MAS1: variants seen among roughly 807,000 people sequenced by gnomAD.
MAS1 encodes proto-oncogene Mas.
For synonymous variants in MAS1, 163 were observed against 164.2 expected (o/e 0.99, Z 0.05); for missense variants, 387 against 409.7 (o/e 0.94, Z 0.48).
chr6:159,900,101 C>G (rs549772490), intron 2 of MAS1, among the ~76,000 whole-genome samples: 2 of 152,102 alleles, frequency 1.3e-5, no homozygotes, highest in African/African-American at 4.8e-5. Flanking sequence ...CAGAGAGCCT[C>G]TGGTCCTAGA....
chr6:159,898,810 CCTT>C (rs1015644372), intron 1 of MAS1, among the ~76,000 whole-genome samples: 4 of 151,192 alleles, frequency 2.6e-5, no homozygotes, highest in East Asian at 2.0e-4. Flanking sequence ...CTCCCTTCTC[CCTT>C]CTTCTTCTTT....
intron 1 of MAS1, among the ~76,000 whole-genome samples, 191 bp from the exon 2 acceptor site, chr6:159,898,995 G>T (rs892348342): frequency 1.3e-5 from 2 of 152,108 alleles, no homozygotes; most frequent in Non-Finnish European, 2.9e-5. Context: ...TGTGCAAAAC[G>T]GTGGCTCTGA....
upstream of MAS1, among the ~76,000 whole-genome samples, chr6:159,889,310 G>C (rs1340898988): frequency 6.6e-6 from 1 of 152,202 alleles, no homozygotes; most frequent in Non-Finnish European, 1.5e-5. Context: ...AATGACGTTG[G>C]AGTCCTCCTT....
At chr6:159,903,484 T>G (rs1435544012) in intron 2 of MAS1, among the ~76,000 whole-genome samples, 1 of 152,132 alleles carries the variant, frequency 6.6e-6, no homozygotes, top group Non-Finnish European at 1.5e-5. Context: ...CTGCACTTTG[T>G]GTATGTCCCT....
At chr6:159,891,450 T>G (rs1782698240) in intron 1 of MAS1, among the ~76,000 whole-genome samples, 1 of 152,226 alleles carries the variant, frequency 6.6e-6, no homozygotes, top group Non-Finnish European at 1.5e-5. Context: ...TTAGGATCAA[T>G]TCACAGTTTG....
chr6:159,894,403 A>C (rs1782731785), intron 1 of MAS1, among the ~76,000 whole-genome samples: 1 of 134,588 alleles, frequency 7.4e-6, no homozygotes, highest in South Asian at 2.5e-4. Flanking sequence ...TGGGCGACAG[A>C]GTGAGACCCT....
At chr6:159,905,913 G>A (rs902147931) in intron 2 of MAS1, among the ~76,000 whole-genome samples, 15 of 152,092 alleles carry the variant, frequency 9.9e-5, no homozygotes, top group Admixed American at 5.2e-4. Context: ...ATTGTGGCAC[G>A]CGCCTGTAGT....
In MAS1 at chr6:159,916,773, T is replaced by C. The variant is rs1783031878; in HGVS notation, c.*8840T>C. Among the ~76,000 whole-genome samples, 1 of 152,240 alleles carries C rather than the reference T, an allele frequency of 6.6e-6. No individual in the cohort carries two copies. Among genetic ancestry groups the C allele is most frequent in the African/African-American group, 2.4e-5 (1 of 41,468 alleles). Reference sequence around the variant, plus strand: ...TCCCCTGATTCCAATGAAGCTGCTGTTGAGGGCCGGATAGCAGCCACTCTT... The same window carrying C: ...TCCCCTGATTCCAATGAAGCTGCTGCTGAGGGCCGGATAGCAGCCACTCTT... On this transcript the variant is annotated 3_prime_UTR_variant, in exon 3 of 3. Transcript: ENST00000674077.
At position 159,908,188 on chromosome 6, in the gene MAS1, C is replaced by T. The variant is rs374573064; in HGVS notation, c.*255C>T. ...ATCTTACCATGAACCATAAAAATGACTTTTGCAGGAAGATTTACAGATGTG... is the reference window on the plus strand; with the variant it reads ...ATCTTACCATGAACCATAAAAATGATTTTTGCAGGAAGATTTACAGATGTG... On this transcript the variant is annotated 3_prime_UTR_variant, in exon 3 of 3. Coordinates refer to ENST00000674077, the MANE Select transcript of MAS1 (RefSeq NM_002377.4). The T allele has an allele frequency of 5.6e-5, 19 of 336,726 alleles. 1 individual carries two copies. Among genetic ancestry groups the T allele is most frequent in the Middle Eastern group, 8.6e-4 (1 of 1,158 alleles). 20.9% of individuals were successfully genotyped at this position (336,726 alleles called of 1,614,324 possible).
rs2115119131 is a variant in MAS1, at chr6:159,907,597, C to T, written c.642C>T (p.Ile214=). Residue 214 remains isoleucine, a synonymous_variant, in exon 3 of 3, where the codon ATC becomes ATT. Coordinates refer to ENST00000674077, the MANE Select transcript of MAS1 (RefSeq NM_002377.4). ...CCAGCACCATCTTGGTCGTGAAGAT[C>T]CGGAAGAACACGTGGGCTTCCCATT... is the stretch of plus-strand genomic sequence containing the variant. ...LVSSTILVVK[I]RKNTWASHSS... 1 of 1,613,942 alleles carries T rather than the reference C, an allele frequency of 6.2e-7. No individual in the cohort carries two copies. Among genetic ancestry groups the T allele is most frequent in the East Asian group, 2.2e-5 (1 of 44,848 alleles).
chr6:159,898,986 G>A (rs1379288943), intron 1 of MAS1, among the ~76,000 whole-genome samples, 200 bp from the exon 2 acceptor site: 2 of 152,166 alleles, frequency 1.3e-5, no homozygotes, highest in African/African-American at 4.8e-5. Flanking sequence ...CCCTTGGGCT[G>A]TGCAAAACGG....
intron 2 of MAS1, among the ~76,000 whole-genome samples, chr6:159,904,477 C>G (rs769563646): frequency 1.3e-5 from 2 of 152,168 alleles, no homozygotes; most frequent in Admixed American, 6.5e-5. Flanking sequence ...TACCACAACA[C>G]GTATCTCTTC....
Position 159,917,131 on chromosome 6 carries a change from G to T in MAS1, c.*9198G>T, listed in dbSNP as rs1208931829. Reference sequence around the variant, plus strand: ...CAGTGTGGCTGCAGCACGTCCATTTGACAATCCTGACCTCGGTGGTGGCAA... The same window carrying T: ...CAGTGTGGCTGCAGCACGTCCATTTTACAATCCTGACCTCGGTGGTGGCAA... On this transcript the variant is annotated 3_prime_UTR_variant, in exon 3 of 3. Transcript: ENST00000674077. 6.6e-6 allele frequency among the ~76,000 whole-genome samples: 1 copy of T among 152,188 alleles called. No homozygotes were observed. The highest frequency in any genetic ancestry group is 1.5e-5 in the Non-Finnish European group (1 of 68,038).
At position 159,891,557 on chromosome 6, in the gene MAS1, C is replaced by T. The variant is rs115407998; in HGVS notation, c.-244+424C>T. The stretch of plus-strand genomic sequence containing the variant: ...AGAGTTGTTACTGAATTTGATTCCT[C>T]TGGAGAAATCACTTGGCTATCAGCT... On this transcript the variant is annotated intron_variant, in intron 1 of 2. Coordinates refer to ENST00000674077, the MANE Select transcript of MAS1 (RefSeq NM_002377.4). Among the ~76,000 whole-genome samples, 560 of 152,330 alleles carry T rather than the reference C, an allele frequency of 3.7e-3. 5 individuals carry two copies. The highest frequency in any genetic ancestry group is 0.013 in the African/African-American group (533 of 41,574).
chr6:159,916,193 A>T lies in MAS1; in HGVS notation c.*8260A>T, dbSNP rs1783020886. 1 of 152,230 alleles carries T rather than the reference A, an allele frequency of 6.6e-6. No individual in the cohort carries two copies. The highest frequency in any genetic ancestry group is 1.5e-5 in the Non-Finnish European group (1 of 68,058). The allele number at this position is 152,230 out of a possible 1,614,324, so 9.4% of individuals were successfully genotyped here. ...GTGTAAACTTTCAAGCATCAAGCAAATGTTAGTTATTTCTTGAGGACGTTA... is the reference window on the plus strand; with the variant it reads ...GTGTAAACTTTCAAGCATCAAGCAATTGTTAGTTATTTCTTGAGGACGTTA... On this transcript the variant is annotated 3_prime_UTR_variant, in exon 3 of 3. Transcript: ENST00000674077.
At chr6:159,901,377 C>A (rs1217317569) in intron 2 of MAS1, among the ~76,000 whole-genome samples, 1 of 152,092 alleles carries the variant, frequency 6.6e-6, no homozygotes, top group South Asian at 2.1e-4. Flanking sequence ...TTTGGGAGGC[C>A]GAAGCAGGGG....
chr6:159,891,463 T>C (rs576630734), intron 1 of MAS1, among the ~76,000 whole-genome samples: 2 of 152,342 alleles, frequency 1.3e-5, no homozygotes, highest in Non-Finnish European at 2.9e-5. Flanking sequence ...ACAGTTTGAA[T>C]GGTGGACTTG....
At chr6:159,905,103 T>C (rs1248992874) in intron 2 of MAS1, among the ~76,000 whole-genome samples, 3 of 152,178 alleles carry the variant, frequency 2.0e-5, no homozygotes, top group Admixed American at 6.5e-5. Flanking sequence ...TCAGTTTGAT[T>C]GTTGTTGCTG....
In MAS1 at chr6:159,908,420, G is replaced by A. The variant is rs1260489061; in HGVS notation, c.*487G>A. On this transcript the variant is annotated 3_prime_UTR_variant, in exon 3 of 3. Coordinates refer to ENST00000674077, the MANE Select transcript of MAS1 (RefSeq NM_002377.4). The stretch of plus-strand genomic sequence containing the variant: ...GAAATGAGAAGATGAGGCTTGTAAA[G>A]CACCTGGCACATTGTGGATGTTCAA... 2 of 151,890 alleles carry A rather than the reference G, an allele frequency of 1.3e-5. No homozygotes were observed. The highest frequency in any genetic ancestry group is 2.1e-4 in the South Asian group (1 of 4,814). The allele number at this position is 151,890 out of a possible 1,614,324, so 9.4% of individuals were successfully genotyped here.
Sources: allele counts gnomAD v4.1 joint callset (sites outside exome capture counted in the v4.1 genomes callset), GRCh38; gene constraint gnomAD v4.1.1; transcripts MANE v1.5; gene names NCBI Gene and HGNC (gene_info 2026-07-23, HGNC 2026-07-21).